HEATR5A: variants seen among roughly 807,000 people sequenced by gnomAD.
HEATR5A encodes the protein HEAT repeat containing 5A, also known as HEAT repeat-containing protein 5A.
In HEATR5A, 178 loss-of-function variants were observed where a neutral mutation model predicts 218.8. The ratio of observed to expected loss-of-function variants is 0.81; its 90% confidence interval spans 0.72 to 0.92. The LOEUF is 0.92. HEATR5A is among the 40% of genes least tolerant of loss of function. The probability of loss-of-function intolerance (pLI) is 0.00; values close to 1 mark genes in which losing one functional copy is unlikely to be tolerated. For missense variants in HEATR5A, 2,420 were observed against 2,418.9 expected (o/e 1.00, Z -0.01); for synonymous variants, 864 against 871.6 (o/e 0.99, Z 0.15).
intron 19 of HEATR5A, among the ~76,000 whole-genome samples, chr14:31,347,095 C>A (rs555785090): frequency 1.5e-4 from 23 of 152,268 alleles, no homozygotes; most frequent in Non-Finnish European, 3.1e-4. Flanking sequence ...GCTATATACA[C>A]CCTAATAAAT....
At chr14:31,302,626 AG>A in intron 32 of HEATR5A, 107 bp from the exon 33 acceptor site, 1 of 732,618 alleles carries the variant, frequency 1.4e-6, no homozygotes, top group East Asian at 2.7e-5. Context: ...AGTTTTTAAA[AG>A]ATGATTTCTA....
intron 33 of HEATR5A, 77 bp downstream of exon 33, chr14:31,302,218 A>G (rs1293197025): frequency 9.6e-7 from 1 of 1,040,146 alleles, no homozygotes; most frequent in Non-Finnish European, 1.5e-6. Flanking sequence ...ATGATCAAGT[A>G]AAATATCTTA....
intron 13 of HEATR5A, among the ~76,000 whole-genome samples, chr14:31,368,172 C>CT (rs916065095): frequency 1.4e-3 from 210 of 150,298 alleles, no homozygotes; most frequent in Non-Finnish European, 2.4e-3. Context: ...GAGTTTGGCC[C>CT]TTTTTTTTTG....
intron 13 of HEATR5A, among the ~76,000 whole-genome samples, chr14:31,369,246 C>A (rs1333539338): frequency 2.6e-5 from 4 of 152,036 alleles, no homozygotes; most frequent in African/African-American, 9.6e-5. Flanking sequence ...AGCCTGGGAG[C>A]CTGGGGCTGC....
chr14:31,374,949 A>G lies in HEATR5A; in HGVS notation c.1728T>C (p.His576=). Residue 576 remains histidine (H), a synonymous_variant, in exon 12 of 36, where the codon CAT becomes CAC. Coordinates refer to ENST00000543095, the MANE Select transcript of HEATR5A (RefSeq NM_015473.4). ...ACAACAGCAGAACTCGAGCAAGGTG[A>G]TGGCTAACAACTGCAGGACCTGTAA... ...LMTLGPAVVS[H]HLARVLLLWK... 1 of 1,609,554 alleles carries G rather than the reference A, an allele frequency of 6.2e-7. No homozygotes were observed. The highest frequency in any genetic ancestry group is 8.5e-7 in the Non-Finnish European group (1 of 1,177,888).
At chr14:31,312,414 CTT>C (rs1252761450) in intron 28 of HEATR5A, among the ~76,000 whole-genome samples, 20 of 137,466 alleles carry the variant, frequency 1.5e-4, no homozygotes, top group African/African-American at 1.1e-4. Context: ...TGGGTGTGTC[CTT>C]TTTTTTTTTT....
intron 1 of HEATR5A, among the ~76,000 whole-genome samples, chr14:31,406,635 C>T (rs1299682966): frequency 1.3e-5 from 2 of 152,112 alleles, no homozygotes; most frequent in African/African-American, 4.8e-5. Flanking sequence ...TATGCTGCCA[C>T]CCTTTCATCC....
In HEATR5A at chr14:31,323,498, A is replaced by G. The variant is rs765852112; in HGVS notation, c.3787+67T>C. On this transcript the variant is annotated intron_variant, in intron 24 of 35. Transcript: ENST00000543095. ...AAAAAAATATTTTAATATTTTAAAT[A>G]TTAAAACCATAAGCAGACAGCATTT... is the stretch of plus-strand genomic sequence containing the variant. 1.0e-4 allele frequency: 134 copies of G among 1,277,654 alleles called. 1 individual carries two copies. Among genetic ancestry groups the G allele is most frequent in the Middle Eastern group, 2.2e-4 (1 of 4,504 alleles). 79.1% of individuals were successfully genotyped at this position (1,277,654 alleles called of 1,614,324 possible).
At chr14:31,400,075 T>C (rs1457459930) in intron 3 of HEATR5A, among the ~76,000 whole-genome samples, 2 of 152,226 alleles carry the variant, frequency 1.3e-5, no homozygotes, top group Non-Finnish European at 2.9e-5. Context: ...AGGAAGATGT[T>C]TTGAATCTCA....
At chr14:31,313,238 A>C in intron 27 of HEATR5A, 48 bp from the exon 28 acceptor site, 1 of 1,426,848 alleles carries the variant, frequency 7.0e-7, no homozygotes, top group Non-Finnish European at 9.8e-7. Context: ...TCTGCTGAAA[A>C]GGTGCTATAA....
chr14:31,321,332 G>C (rs1442502298), intron 25 of HEATR5A, among the ~76,000 whole-genome samples, 167 bp downstream of exon 25: 1 of 152,126 alleles, frequency 6.6e-6, no homozygotes, highest in East Asian at 1.9e-4. Context: ...TTTTGGTAGA[G>C]ATGGGGTTTC....
intron 26 of HEATR5A, among the ~76,000 whole-genome samples, chr14:31,318,015 G>A (rs545347032): frequency 4.6e-5 from 7 of 152,172 alleles, no homozygotes; most frequent in African/African-American, 1.4e-4. Context: ...CCCAATGTCC[G>A]TCAATATGGA....
intron 1 of HEATR5A, among the ~76,000 whole-genome samples, chr14:31,416,039 C>A (rs1299876966): frequency 6.6e-6 from 1 of 152,044 alleles, no homozygotes; most frequent in African/African-American, 2.4e-5. Context: ...CAACCTCTAC[C>A]TCATGGGTTC....
intron 21 of HEATR5A, 46 bp from the exon 22 acceptor site, chr14:31,337,660 G>T (rs1362257015): frequency 3.2e-6 from 5 of 1,558,658 alleles, no homozygotes; most frequent in Non-Finnish European, 2.6e-6. Flanking sequence ...ATTCTTGTTG[G>T]CACTCAGTGA....
At chr14:31,392,997 A>G (rs2030511027) in intron 6 of HEATR5A, among the ~76,000 whole-genome samples, 1 of 152,210 alleles carries the variant, frequency 6.6e-6, no homozygotes, top group African/African-American at 2.4e-5. Context: ...AAAAACAACA[A>G]CAATGAAATC....
intron 22 of HEATR5A, among the ~76,000 whole-genome samples, chr14:31,328,272 T>C (rs975042917): frequency 2.0e-5 from 3 of 152,096 alleles, no homozygotes; most frequent in African/African-American, 7.2e-5. Context: ...TTTGTTTTGT[T>C]GGTACTAGAC....
At chr14:31,343,765 C>T (rs1595118284) in intron 21 of HEATR5A, 131 bp downstream of exon 21, 1 of 623,936 alleles carries the variant, frequency 1.6e-6, no homozygotes, top group South Asian at 7.0e-5. Context: ...AAGACTAGAA[C>T]TGAGGGGAAA....
intron 1 of HEATR5A, among the ~76,000 whole-genome samples, chr14:31,405,751 G>C (rs1189776826): frequency 6.6e-6 from 1 of 152,144 alleles, no homozygotes; most frequent in Non-Finnish European, 1.5e-5. Flanking sequence ...CCTATCTTCA[G>C]AATCAAATTA....
At chr14:31,365,626 C>T (rs1000691373) in intron 13 of HEATR5A, among the ~76,000 whole-genome samples, 6 of 151,698 alleles carry the variant, frequency 4.0e-5, no homozygotes, top group Admixed American at 3.3e-4. Flanking sequence ...TCCCAAAGTG[C>T]TGGGATACAG....
Sources: allele counts gnomAD v4.1 joint callset (sites outside exome capture counted in the v4.1 genomes callset), GRCh38; gene constraint gnomAD v4.1.1; transcripts MANE v1.5; gene names NCBI Gene and HGNC (gene_info 2026-07-23, HGNC 2026-07-21).